The following WASHC5 variants were observed in gnomAD, a reference collection of about 807,000 sequenced individuals.
WASHC5 encodes WASH complex subunit 5.
WASHC5 carries 101 observed loss-of-function variants against 150.4 expected under a neutral mutation model. The ratio of observed to expected loss-of-function variants is 0.67; its 90% CI spans 0.57 to 0.79. The LOEUF (loss-of-function observed/expected upper bound fraction) is 0.79, where lower values mean the gene tolerates loss of function less well. Among genes scored for constraint, WASHC5 ranks in the 30% least tolerant of loss-of-function variants. The pLI, the probability that WASHC5 is intolerant of heterozygous loss-of-function variation, is 0.00. For synonymous variants in WASHC5, 467 were observed against 491.2 expected (o/e 0.95, Z 0.65); for missense variants, 1,195 against 1,396.3 (o/e 0.86, Z 2.30).
intron 27 of WASHC5, 23 bp from the exon 28 acceptor site, chr8:125,028,730 T>G (rs575969477): frequency 6.6e-7 from 1 of 1,518,866 alleles, no homozygotes; most frequent in African/African-American, 1.4e-5. Context: ...ACAGTTTAGA[T>G]CAATTAACTG....
intron 4 of WASHC5, 63 bp from the exon 5 acceptor site, chr8:125,081,824 G>C (rs535069681): frequency 1.0e-6 from 1 of 966,372 alleles, no homozygotes; most frequent in Non-Finnish European, 1.7e-6. Context: ...GAGTAAAGTC[G>C]GTAATCATGA....
At chr8:125,083,649 G>T in intron 2 of WASHC5, 64 bp downstream of exon 2, 1 of 1,309,406 alleles carries the variant, frequency 7.6e-7, no homozygotes, top group Non-Finnish European at 1.1e-6. Flanking sequence ...GAGTTTCATG[G>T]TTCCCAGAGA....
chr8:125,034,053 A>AG lies in WASHC5; in HGVS notation c.3182-1660_3182-1659insC, dbSNP rs1815622920. 2.4e-5 allele frequency among the ~76,000 whole-genome samples: 3 copies of AG among 124,164 alleles called. No individual in the cohort carries two copies. The Admixed American group carries it at 2.5e-4, about 10-fold the overall frequency. 81.5% of individuals were successfully genotyped at this position (124,164 alleles called of 152,430 possible). The stretch of plus-strand genomic sequence containing the variant: ...TAACTACTACAACTCTGTAATAAAA[A>AG]AAAAATTTAAAAACGAGCATAAGAC... On this transcript the variant is annotated intron_variant, in intron 26 of 28. Transcript: ENST00000318410.
In WASHC5 at chr8:125,079,868, C is replaced by T. The variant is rs569912785; in HGVS notation, c.519-938G>A. ...TGTACATGTGTGTTGTGTGTATACT[C>T]GTGTATATATATTTTTTCAGAGCTC... On this transcript the variant is annotated intron_variant, in intron 5 of 28. Coordinates refer to ENST00000318410, the MANE Select transcript of WASHC5 (RefSeq NM_014846.4). Among the ~76,000 whole-genome samples the T allele has an allele frequency of 2.6e-4, 40 of 152,070 alleles. 1 individual carries two copies. The South Asian group carries it at 5.0e-3, about 19-fold the overall frequency.
chr8:125,044,146 C>A (rs1266992119), intron 21 of WASHC5, 52 bp from the exon 22 acceptor site: 1 of 1,204,278 alleles, frequency 8.3e-7, no homozygotes, highest in Non-Finnish European at 1.2e-6. Context: ...ATTAAACAAG[C>A]AAATTCTCCA....
At chr8:125,031,719 A>G (rs997308926) in intron 27 of WASHC5, among the ~76,000 whole-genome samples, 2 of 152,220 alleles carry the variant, frequency 1.3e-5, no homozygotes, top group Non-Finnish European at 2.9e-5. Context: ...TATCCCAGAA[A>G]AGCCACATTT....
At chr8:125,091,026 G>T (rs530261972) in intron 1 of WASHC5, among the ~76,000 whole-genome samples, 2 of 152,170 alleles carry the variant, frequency 1.3e-5, no homozygotes, top group African/African-American at 4.8e-5. Flanking sequence ...AGCTCCATGC[G>T]CTTGCAATCA....
In WASHC5 at chr8:125,079,116, G is replaced by GTA. The variant is rs57043871; in HGVS notation, c.519-188_519-187dup. Among the ~76,000 whole-genome samples, 46,150 of 97,706 alleles carry GTA rather than the reference G, an allele frequency of 0.47. 12,388 individuals are homozygous for GTA. The highest frequency in any genetic ancestry group is 0.59 in the Non-Finnish European group (32,229 of 54,350). The allele number at this position is 97,706 out of a possible 152,430, so 64.1% of individuals were successfully genotyped here. A position where few individuals can be genotyped will look rare whatever the true frequency, so the allele number is the denominator to read the frequency against. On this transcript the variant is annotated intron_variant, in intron 5 of 28. Coordinates refer to ENST00000318410, the MANE Select transcript of WASHC5 (RefSeq NM_014846.4). ...TGTGTATATATATGTGTGTGTGTGT[G>GTA]TATATATATATATATATATATATAC...
intron 19 of WASHC5, 37 bp from the exon 20 acceptor site, chr8:125,047,368 G>T: frequency 6.3e-7 from 1 of 1,596,256 alleles, no homozygotes; most frequent in South Asian, 1.1e-5. Flanking sequence ...GTAAACCTTT[G>T]ATAAGATAAC....
chr8:125,090,930 G>C (rs775508027), intron 1 of WASHC5, among the ~76,000 whole-genome samples: 1 of 152,214 alleles, frequency 6.6e-6, no homozygotes, highest in African/African-American at 2.4e-5. Context: ...GGAAAGGCAG[G>C]TGAAGGACAA....
chr8:125,050,697 T>G, intron 17 of WASHC5, 32 bp from the exon 18 acceptor site: 2 of 1,559,498 alleles, frequency 1.3e-6, no homozygotes, highest in Non-Finnish European at 1.8e-6. Flanking sequence ...TAAATGATAG[T>G]TACGAAAAAT....
intron 2 of WASHC5, 57 bp downstream of exon 2, chr8:125,083,656 G>T: frequency 7.2e-7 from 1 of 1,397,506 alleles, no homozygotes; most frequent in Non-Finnish European, 1.0e-6. Context: ...ATGGTTCCCA[G>T]AGAAAACACG....
chr8:125,083,270 A>G lies in WASHC5; in HGVS notation c.187-12T>C. ...CATAATTCTGGACCCTGAGAAAAAA[A>G]AACACATGTGAAATGTCAATAAAAG... On this transcript the variant is annotated splice_polypyrimidine_tract_variant and intron_variant, in intron 2 of 28. Transcript: ENST00000318410. 6.2e-7 allele frequency: 1 copy of G among 1,611,424 alleles called. No individual in the cohort carries two copies. The highest frequency in any genetic ancestry group is 1.1e-5 in the South Asian group (1 of 90,768).
At position 125,083,204 on chromosome 8, in the gene WASHC5, C is replaced by G. The variant is rs1208411122; in HGVS notation, c.241G>C (p.Asp81His). ...ATGTTGTTTTCACGAAATTCTTCAT[C>G]TAAATCCTGTAGCTCTGGCTTAGCA... ...LDAKPELQDL[D>H]EEFRENNIEI... is the part of the protein sequence containing the mutation. Residue 81 changes from aspartate to histidine, a missense_variant, in exon 3 of 29, where the codon GAT (aspartate) becomes CAT (histidine). Around this residue, in one of 3 missense-constraint regions of WASHC5, gnomAD observed 195 missense variants for 206.9 expected, o/e 0.94. Transcript: ENST00000318410. 9.3e-6 allele frequency: 15 copies of G among 1,612,182 alleles called. No homozygotes were observed. Among genetic ancestry groups the G allele is most frequent in the Non-Finnish European group, 1.2e-5 (14 of 1,178,578 alleles).
intron 23 of WASHC5, among the ~76,000 whole-genome samples, chr8:125,042,282 A>G (rs895936090): frequency 6.6e-6 from 1 of 152,144 alleles, no homozygotes; most frequent in Non-Finnish European, 1.5e-5. Flanking sequence ...GTGGCTATTT[A>G]TATTTAAATT....
intron 26 of WASHC5, among the ~76,000 whole-genome samples, chr8:125,033,150 G>C (rs939418558): frequency 1.3e-5 from 2 of 152,118 alleles, no homozygotes; most frequent in African/African-American, 4.8e-5. Flanking sequence ...ACAGAGATTA[G>C]GGTCTTCCAG....
chr8:125,024,677 A>G lies in WASHC5; in HGVS notation c.3424-4T>C. 6.3e-7 allele frequency: 1 copy of G among 1,597,156 alleles called. No homozygotes were observed. Among genetic ancestry groups the G allele is most frequent in the Non-Finnish European group, 8.6e-7 (1 of 1,164,672 alleles). ...TAGGCACATGTGCTTCAGCAACCTG[A>G]AAAATTAAAGAATTAAATTATTCAT... On this transcript the variant is annotated splice_region_variant and splice_polypyrimidine_tract_variant and intron_variant, in intron 28 of 28. Coordinates refer to ENST00000318410, the MANE Select transcript of WASHC5 (RefSeq NM_014846.4).
intron 27 of WASHC5, among the ~76,000 whole-genome samples, 180 bp downstream of exon 27, chr8:125,032,061 T>G (rs1286060863): frequency 6.6e-6 from 1 of 152,174 alleles, no homozygotes; most frequent in Non-Finnish European, 1.5e-5. Flanking sequence ...GCAGGGTGAC[T>G]AAGGATGGAC....
In WASHC5 at chr8:125,039,806, C is replaced by T. The variant is rs565875405; in HGVS notation, c.2943G>A (p.Glu981=). The T allele has an allele frequency of 1.9e-6, 3 of 1,611,498 alleles. No individual in the cohort carries two copies. The South Asian group carries it at 3.3e-5, about 18-fold the overall frequency. ...FDSKHLAAAL[E]NLNKALLADI... is the part of the protein sequence containing the mutation. Reference sequence around the variant, plus strand: ...ACCCTGGCACTTACTTATTGAGATTCTCCAGAGCAGCTGCCAGATGTTTAG... The same window carrying T: ...ACCCTGGCACTTACTTATTGAGATTTTCCAGAGCAGCTGCCAGATGTTTAG... Residue 981 remains glutamate, a synonymous_variant, in exon 24 of 29, where the codon GAG becomes GAA. Coordinates refer to ENST00000318410, the MANE Select transcript of WASHC5 (RefSeq NM_014846.4).
Sources: gnomAD v4.1 joint callset for allele counts (sites outside exome capture counted in the v4.1 genomes callset) on GRCh38, gnomAD v4.1.1 for gene constraint, gnomAD v4.1.1 regional missense constraint, MANE v1.5 for transcripts, NCBI Gene and HGNC (gene_info 2026-07-23, HGNC 2026-07-21) for gene names.